The following GREM2 variants were observed in gnomAD, a reference collection of about 807,000 sequenced individuals.
The protein encoded by GREM2 is gremlin-2.
In GREM2, 11 loss-of-function variants were observed where a neutral mutation model predicts 14.2. That is an observed-to-expected ratio of 0.78 (90% CI 0.49 to 1.28). The LOEUF (loss-of-function observed/expected upper bound fraction) is 1.28. GREM2 is among the 50% of genes most tolerant of loss of function. The pLI, the probability that GREM2 is intolerant of heterozygous loss-of-function variation, is 0.00. For missense variants in GREM2, 210 were observed against 218.5 expected, an observed-to-expected ratio of 0.96 and a Z score of 0.24; for synonymous variants, 98 against 97.6, an observed-to-expected ratio of 1.00 and a Z score of -0.02.
chr1:240,519,129 TC>T (rs1284740720), intron 1 of GREM2, among the ~76,000 whole-genome samples: 1 of 151,960 alleles, frequency 6.6e-6, no homozygotes, highest in Non-Finnish European at 1.5e-5. Flanking sequence ...CCTCAAGTTT[TC>T]TAAGTGTTCA....
Position 240,546,341 on chromosome 1 carries a change from TA to T in GREM2, c.-1-52866del, listed in dbSNP as rs10610583. The stretch of plus-strand genomic sequence containing the variant: ...TTGACAGAGTAAGGGAGACTCAGTC[TA>T]AAAAAAAAAAAAACAAAGAAAGAAA... On this transcript the variant is annotated intron_variant, in intron 1 of 1. Coordinates refer to ENST00000318160, the MANE Select transcript of GREM2 (RefSeq NM_022469.4). Among the ~76,000 whole-genome samples the T allele has an allele frequency of 6.9e-3, 1,015 of 146,146 alleles. 12 individuals carry two copies. Among genetic ancestry groups the T allele is most frequent in the East Asian group, 0.036 (182 of 5,034 alleles).
chr1:240,544,296 T>C (rs559437144), intron 1 of GREM2, among the ~76,000 whole-genome samples: 16 of 152,192 alleles, frequency 1.1e-4, no homozygotes, highest in South Asian at 8.3e-4. Flanking sequence ...TACAGGCACC[T>C]GCCACCACGC....
At chr1:240,523,218 G>A (rs1277195396) in intron 1 of GREM2, among the ~76,000 whole-genome samples, 3 of 152,068 alleles carry the variant, frequency 2.0e-5, no homozygotes, top group East Asian at 1.9e-4. Context: ...TCAGCCTCCC[G>A]AGTAGCTGGG....
intron 1 of GREM2, among the ~76,000 whole-genome samples, chr1:240,547,514 A>AAAAAAT (rs1442340788): frequency 9.7e-6 from 1 of 102,678 alleles, no homozygotes; most frequent in African/African-American, 4.4e-5. Flanking sequence ...AAAAAAAAAA[A>AAAAAAT]ATATATATAT....
At chr1:240,520,200 G>A (rs553898763) in intron 1 of GREM2, among the ~76,000 whole-genome samples, 11 of 152,156 alleles carry the variant, frequency 7.2e-5, no homozygotes, top group Non-Finnish European at 1.3e-4. Flanking sequence ...CAATTTTTGT[G>A]TGTATGAGTA....
intron 1 of GREM2, among the ~76,000 whole-genome samples, chr1:240,541,897 A>G (rs1427410103): frequency 6.6e-6 from 1 of 152,154 alleles, no homozygotes; most frequent in African/African-American, 2.4e-5. Flanking sequence ...ATGGCAGTGC[A>G]CAGTTGGCTG....
At chr1:240,539,765 T>C (rs1389674635) in intron 1 of GREM2, among the ~76,000 whole-genome samples, 2 of 152,222 alleles carry the variant, frequency 1.3e-5, no homozygotes, top group Non-Finnish European at 2.9e-5. Context: ...AACTGCAATG[T>C]TATTGTAAAT....
intron 1 of GREM2, among the ~76,000 whole-genome samples, chr1:240,558,160 C>A (rs1042775051): frequency 6.6e-6 from 1 of 151,958 alleles, no homozygotes; most frequent in Admixed American, 6.6e-5. Context: ...TCTCATCTTC[C>A]ACGTGGGGAG....
chr1:240,525,571 C>A (rs867778640), intron 1 of GREM2, among the ~76,000 whole-genome samples: 9 of 152,112 alleles, frequency 5.9e-5, no homozygotes, highest in Middle Eastern at 3.4e-3. Flanking sequence ...CTCCGCCTCC[C>A]GGGTTCAAGC....
intron 1 of GREM2, among the ~76,000 whole-genome samples, chr1:240,571,494 G>C (rs1341345183): frequency 3.9e-5 from 6 of 152,130 alleles, no homozygotes; most frequent in African/African-American, 1.2e-4. Context: ...AGGAGTTCGA[G>C]ACCAGCCTGG....
intron 1 of GREM2, among the ~76,000 whole-genome samples, chr1:240,609,682 G>A (rs990112985): frequency 2.0e-5 from 3 of 152,230 alleles, no homozygotes; most frequent in Admixed American, 1.3e-4. Flanking sequence ...AATTGCTGTA[G>A]CAACACTGAA....
At chr1:240,611,246 A>G (rs142096604) in intron 1 of GREM2, among the ~76,000 whole-genome samples, 2 of 152,322 alleles carry the variant, frequency 1.3e-5, no homozygotes, top group African/African-American at 4.8e-5. Flanking sequence ...CAGAATACAA[A>G]TGCATTTTTA....
chr1:240,609,247 C>T (rs1338035296), intron 1 of GREM2, among the ~76,000 whole-genome samples: 1 of 152,004 alleles, frequency 6.6e-6, no homozygotes, highest in Non-Finnish European at 1.5e-5. Context: ...GGACTCTGTT[C>T]TACAAATCAG....
chr1:240,512,144 G>T (rs982645230), intron 1 of GREM2, among the ~76,000 whole-genome samples: 10 of 152,136 alleles, frequency 6.6e-5, no homozygotes, highest in African/African-American at 2.4e-4. Flanking sequence ...TTCAATGCAA[G>T]GGAATAGTGA....
intron 1 of GREM2, among the ~76,000 whole-genome samples, chr1:240,537,773 G>A (rs1678504932): frequency 7.0e-6 from 1 of 143,796 alleles, no homozygotes; most frequent in Admixed American, 7.0e-5. Flanking sequence ...AATATGGCAA[G>A]GCTCTGTCTC....
At position 240,523,296 on chromosome 1, in the gene GREM2, G is replaced by C. The variant is rs1032337644; in HGVS notation, c.-1-29820C>G. Among the ~76,000 whole-genome samples the C allele has an allele frequency of 9.2e-5, 14 of 152,252 alleles. No individual in the cohort carries two copies. The Middle Eastern group carries it at 0.01, about 111-fold the overall frequency. The stretch of plus-strand genomic sequence containing the variant: ...GTTTCTGATCATCACTCTGGAGCAG[G>C]GTTTCTCAGCTTCAGCACAATTGAT... On this transcript the variant is annotated intron_variant, in intron 1 of 1. Coordinates refer to ENST00000318160, the MANE Select transcript of GREM2 (RefSeq NM_022469.4).
chr1:240,589,445 G>GAA (rs549844568), intron 1 of GREM2, among the ~76,000 whole-genome samples: 10 of 115,026 alleles, frequency 8.7e-5, no homozygotes, highest in African/African-American at 3.8e-4. Flanking sequence ...CAGAAAAAAA[G>GAA]AAAAAAAAAA....
At chr1:240,513,919 G>C (rs530698185) in intron 1 of GREM2, among the ~76,000 whole-genome samples, 48 of 151,958 alleles carry the variant, frequency 3.2e-4, no homozygotes, top group Admixed American at 2.6e-3. Flanking sequence ...TAGGGTGGTA[G>C]TGGAGAAAAA....
chr1:240,582,186 C>T (rs947722106), intron 1 of GREM2, among the ~76,000 whole-genome samples: 1 of 152,216 alleles, frequency 6.6e-6, no homozygotes, highest in African/African-American at 2.4e-5. Context: ...GCCTGTAATC[C>T]CAGCACTTTG....
Sources: allele counts gnomAD v4.1 joint callset (sites outside exome capture counted in the v4.1 genomes callset), GRCh38; gene constraint gnomAD v4.1.1; transcripts MANE v1.5; gene names NCBI Gene and HGNC (gene_info 2026-07-23, HGNC 2026-07-21).